STXBP6: variants seen among roughly 807,000 people sequenced by gnomAD.
STXBP6 encodes the protein syntaxin binding protein 6.
A neutral mutation model predicts 26.9 loss-of-function variants in STXBP6; 21 were observed. The ratio of observed to expected loss-of-function variants is 0.78; its 90% CI spans 0.55 to 1.12. The LOEUF (loss-of-function observed/expected upper bound fraction) is 1.12, where lower values mean the gene tolerates loss of function less well. Ranked by LOEUF, STXBP6 falls within the 50% of genes most tolerant of loss-of-function variation. STXBP6 has a pLI of 0.00. For missense variants in STXBP6, 232 were observed against 257.9 expected, an observed-to-expected ratio of 0.90 and a Z score of 0.69; for synonymous variants, 97 against 92.6, an observed-to-expected ratio of 1.05 and a Z score of -0.27.
intron 1 of STXBP6, among the ~76,000 whole-genome samples, chr14:25,019,864 G>A (rs114403081): frequency 0.035 from 4,953 of 140,522 alleles, 323 homozygotes; most frequent in African/African-American, 0.12. Context: ...TACAAGTTTC[G>A]TGGGTTTTTT....
At chr14:24,885,480 C>T (rs775148371) in intron 2 of STXBP6, among the ~76,000 whole-genome samples, 7 of 152,198 alleles carry the variant, frequency 4.6e-5, no homozygotes, top group Non-Finnish European at 8.8e-5. Context: ...GATAGACAGG[C>T]CTTAAAGCCC....
chr14:24,856,513 T>G (rs908756182), intron 3 of STXBP6, among the ~76,000 whole-genome samples: 10 of 152,122 alleles, frequency 6.6e-5, no homozygotes, highest in Non-Finnish European at 1.5e-4. Flanking sequence ...TTTATTATTC[T>G]TCATTATTAG....
chr14:24,889,539 C>T (rs2070715949), intron 2 of STXBP6, among the ~76,000 whole-genome samples: 2 of 148,010 alleles, frequency 1.4e-5, no homozygotes, highest in Admixed American at 1.3e-4. Context: ...ACATTGTGCA[C>T]ATGTACCCTA....
At chr14:24,927,171 T>C (rs2072206014) in intron 2 of STXBP6, among the ~76,000 whole-genome samples, 1 of 152,200 alleles carries the variant, frequency 6.6e-6, no homozygotes, top group Non-Finnish European at 1.5e-5. Context: ...TTACTCATTA[T>C]TAAAGAAGAC....
At chr14:24,972,540 T>C (rs912007919) in intron 2 of STXBP6, among the ~76,000 whole-genome samples, 2 of 152,202 alleles carry the variant, frequency 1.3e-5, no homozygotes, top group Non-Finnish European at 2.9e-5. Context: ...CTATAAGAAA[T>C]GTCAATGAAA....
chr14:25,029,928 A>G (rs1290315422), intron 1 of STXBP6, among the ~76,000 whole-genome samples: 3 of 151,866 alleles, frequency 2.0e-5, no homozygotes, highest in Non-Finnish European at 2.9e-5. Context: ...GAGGCCAATA[A>G]TAATAGCAAT....
intron 3 of STXBP6, among the ~76,000 whole-genome samples, chr14:24,856,632 G>T (rs1364834301): frequency 1.3e-5 from 2 of 151,822 alleles, no homozygotes; most frequent in Non-Finnish European, 2.9e-5. Context: ...CATACTGAAA[G>T]ATACCATTCA....
chr14:24,828,399 T>C (rs2068352257), intron 4 of STXBP6, among the ~76,000 whole-genome samples: 5 of 152,110 alleles, frequency 3.3e-5, no homozygotes, highest in Admixed American at 2.6e-4. Flanking sequence ...AACAAGAGAG[T>C]TAACATAAAA....
At chr14:25,002,150 C>G (rs767632453) in intron 1 of STXBP6, among the ~76,000 whole-genome samples, 3 of 152,118 alleles carry the variant, frequency 2.0e-5, no homozygotes, top group Non-Finnish European at 2.9e-5. Flanking sequence ...TGAGGACATT[C>G]TCTAAAATTA....
At chr14:24,873,142 A>G (rs2070000611) in intron 2 of STXBP6, among the ~76,000 whole-genome samples, 1 of 152,196 alleles carries the variant, frequency 6.6e-6, no homozygotes, top group African/African-American at 2.4e-5. Flanking sequence ...GAATTTATAA[A>G]AAATTCTAAA....
intron 2 of STXBP6, among the ~76,000 whole-genome samples, chr14:24,955,681 G>A (rs2073320278): frequency 6.6e-6 from 1 of 152,132 alleles, no homozygotes; most frequent in Non-Finnish European, 1.5e-5. Flanking sequence ...AGGGCACAGG[G>A]TATCTCGGTT....
chr14:24,912,317 T>C (rs2071602853), intron 2 of STXBP6, among the ~76,000 whole-genome samples: 1 of 152,102 alleles, frequency 6.6e-6, no homozygotes, highest in Admixed American at 6.6e-5. Context: ...TAATTCAAGA[T>C]TTTAAGAACT....
intron 1 of STXBP6, among the ~76,000 whole-genome samples, chr14:24,998,992 A>G (rs1012208898): frequency 2.0e-5 from 3 of 152,208 alleles, no homozygotes; most frequent in African/African-American, 7.2e-5. Context: ...ATATCCCTTC[A>G]AGTTACGTAT....
rs1403567607 is a variant in STXBP6 at position 24,812,591 on chromosome 14, ACT to A, written c.*116_*117del. 2.1e-6 allele frequency: 2 copies of A among 963,894 alleles called. No homozygotes were observed. The highest frequency in any genetic ancestry group is 4.3e-5 in the Admixed American group (2 of 46,004). The allele number at this position is 963,894 out of a possible 1,614,324, so 59.7% of individuals were successfully genotyped here. ...CATCTGAAAAGAAAAAACAAAAACC[ACT>A]CTAAGTGTCCAAATATTGGAAAAAA... On this transcript the variant is annotated 3_prime_UTR_variant, in exon 6 of 6. Coordinates refer to ENST00000323944, the MANE Select transcript of STXBP6 (RefSeq NM_001394410.1).
intron 1 of STXBP6, among the ~76,000 whole-genome samples, chr14:24,994,588 GC>G (rs2074554034): frequency 6.6e-6 from 1 of 152,162 alleles, no homozygotes; most frequent in Non-Finnish European, 1.5e-5. Flanking sequence ...TGTGTATCCA[GC>G]CTGAACTTCT....
intron 2 of STXBP6, among the ~76,000 whole-genome samples, chr14:24,890,409 A>G (rs2070748268): frequency 6.6e-6 from 1 of 152,230 alleles, no homozygotes; most frequent in South Asian, 2.1e-4. Flanking sequence ...CAAAGTACCG[A>G]ACAACAACAA....
chr14:24,822,891 G>A (rs1359732985), intron 4 of STXBP6, among the ~76,000 whole-genome samples: 3 of 152,060 alleles, frequency 2.0e-5, no homozygotes, highest in South Asian at 2.1e-4. Context: ...ATTAAATCAC[G>A]ACATGTTTTG....
At chr14:25,025,921 T>C (rs954626323) in intron 1 of STXBP6, among the ~76,000 whole-genome samples, 2 of 152,170 alleles carry the variant, frequency 1.3e-5, no homozygotes, top group Admixed American at 6.5e-5. Context: ...CCTGCAAAAA[T>C]TGGCTCCCCA....
chr14:24,899,015 TG>T (rs149471691), intron 2 of STXBP6, among the ~76,000 whole-genome samples: 16,951 of 152,122 alleles, frequency 0.11, 1,681 homozygotes, highest in African/African-American at 0.26. Context: ...CCCCAGAGGT[TG>T]GGGGTGGGGA....
Sources: gnomAD v4.1 joint callset for allele counts (sites outside exome capture counted in the v4.1 genomes callset) on GRCh38, gnomAD v4.1.1 for gene constraint, MANE v1.5 for transcripts, NCBI Gene and HGNC (gene_info 2026-07-23, HGNC 2026-07-21) for gene names.